The following LDLRAD4 variants were observed in gnomAD, a reference collection of about 807,000 sequenced individuals.
The protein encoded by LDLRAD4 is low density lipoprotein receptor class A domain containing 4, also known as low-density lipoprotein receptor class A domain-containing protein 4.
LDLRAD4 carries 5 observed loss-of-function variants against 17.0 expected under a neutral mutation model. The ratio of observed to expected loss-of-function variants is 0.29; its 90% CI spans 0.15 to 0.62. The LOEUF is 0.62. Ranked by LOEUF, LDLRAD4 falls within the 20% of genes least tolerant of loss-of-function variation. The probability of loss-of-function intolerance (pLI) is 0.84; values close to 1 mark genes in which losing one functional copy is unlikely to be tolerated. For missense variants in LDLRAD4, 340 were observed against 424.7 expected, an observed-to-expected ratio of 0.80 and a Z score of 1.75; for synonymous variants, 168 against 171.8, an observed-to-expected ratio of 0.98 and a Z score of 0.17.
chr18:13,649,638 G>A (rs1450240422), exon 6 of LDLRAD4: 3 of 155,022 alleles, frequency 1.9e-5, no homozygotes, highest in Non-Finnish European at 2.9e-5. Flanking sequence ...CCCCCATCTC[G>A]GGGGCTTGCT....
chr18:13,305,251 T>C (rs68081406), intron 1 of LDLRAD4, among the ~76,000 whole-genome samples: 9,358 of 152,314 alleles, frequency 0.061, 299 homozygotes, highest in South Asian at 0.086. Context: ...CTTACATATA[T>C]ACATGGTACC....
intron 1 of LDLRAD4, among the ~76,000 whole-genome samples, chr18:13,232,104 G>A (rs1209295467): frequency 1.3e-5 from 2 of 152,246 alleles, no homozygotes; most frequent in Non-Finnish European, 2.9e-5. Flanking sequence ...ACCCCGTGAA[G>A]CTCTCTCCTG....
chr18:13,312,370 T>C (rs1229705951), intron 1 of LDLRAD4, among the ~76,000 whole-genome samples: 1 of 152,156 alleles, frequency 6.6e-6, no homozygotes, highest in East Asian at 1.9e-4. Flanking sequence ...AATCCAAAAT[T>C]CAAAATGCTT....
At chr18:13,303,280 T>G (rs1401215921) in intron 1 of LDLRAD4, among the ~76,000 whole-genome samples, 1 of 152,196 alleles carries the variant, frequency 6.6e-6, no homozygotes, top group African/African-American at 2.4e-5. Flanking sequence ...AGGGTCTCAC[T>G]CTGATGCCCA....
intron 1 of LDLRAD4, among the ~76,000 whole-genome samples, chr18:13,233,056 T>C (rs2042160677): frequency 1.3e-5 from 2 of 152,236 alleles, no homozygotes; most frequent in South Asian, 4.1e-4. Context: ...CAATGAGGAC[T>C]CTAGACGATG....
rs1010641961 is a variant in LDLRAD4 at position 13,398,132 on chromosome 18, G to A, written c.40+10370G>A. Reference sequence around the variant, plus strand: ...CTGTCTCAGATCCTCCCACTGTGGCGTTTCCTTCAGAACCGAGTTGGGGCA... The same window carrying A: ...CTGTCTCAGATCCTCCCACTGTGGCATTTCCTTCAGAACCGAGTTGGGGCA... On this transcript the variant is annotated intron_variant, in intron 2 of 5. Transcript: ENST00000359446. This position sits in a 1 kb window ranked among gnomAD's most constrained non-coding sequence, Gnocchi z 4.8. 2.0e-5 allele frequency among the ~76,000 whole-genome samples: 3 copies of A among 152,178 alleles called. No homozygotes were observed. Among genetic ancestry groups the A allele is most frequent in the South Asian group, 4.2e-4 (2 of 4,818 alleles).
intron 3 of LDLRAD4, among the ~76,000 whole-genome samples, chr18:13,505,826 A>C (rs771664094): frequency 9.4e-5 from 14 of 149,402 alleles, no homozygotes; most frequent in Non-Finnish European, 1.5e-4. Context: ...TCAAAAAAAC[A>C]AAAACAAAAA....
At chr18:13,452,937 G>A (rs191726721) in intron 3 of LDLRAD4, among the ~76,000 whole-genome samples, 214 of 152,264 alleles carry the variant, frequency 1.4e-3, no homozygotes, top group Non-Finnish European at 2.6e-3. Flanking sequence ...GGCAAGTGAG[G>A]GGGACCACGG....
intron 1 of LDLRAD4, among the ~76,000 whole-genome samples, chr18:13,286,043 T>C (rs2045603212): frequency 6.6e-6 from 1 of 152,176 alleles, no homozygotes; most frequent in Admixed American, 6.5e-5. Flanking sequence ...TCCAGAACTC[T>C]CTCCATTTTC....
intron 3 of LDLRAD4, among the ~76,000 whole-genome samples, chr18:13,579,906 C>A (rs2094832400): frequency 6.6e-6 from 1 of 152,166 alleles, no homozygotes; most frequent in Admixed American, 6.5e-5. Context: ...CTACAGTGTC[C>A]CTTCTCAGCA....
At chr18:13,607,357 C>T (rs1320019626) in intron 3 of LDLRAD4, among the ~76,000 whole-genome samples, 1 of 152,128 alleles carries the variant, frequency 6.6e-6, no homozygotes, top group East Asian at 1.9e-4. Flanking sequence ...AGCAGTAAAC[C>T]TTTATGAATG....
At chr18:13,591,472 G>A (rs1422738829) in intron 3 of LDLRAD4, among the ~76,000 whole-genome samples, 1 of 151,856 alleles carries the variant, frequency 6.6e-6, no homozygotes, top group Non-Finnish European at 1.5e-5. Flanking sequence ...GTGTCTGCCT[G>A]TTTATTCTCG....
At chr18:13,341,075 T>G (rs985403779) in intron 1 of LDLRAD4, among the ~76,000 whole-genome samples, 1 of 152,182 alleles carries the variant, frequency 6.6e-6, no homozygotes, top group African/African-American at 2.4e-5. Context: ...TCTATTCAGT[T>G]GGTGTATATG....
chr18:13,627,048 T>TAG (rs2041232697), intron 4 of LDLRAD4, among the ~76,000 whole-genome samples: 1 of 152,208 alleles, frequency 6.6e-6, no homozygotes, highest in South Asian at 2.1e-4. Context: ...GGTGGGCAGA[T>TAG]CACTTGAGGT....
At chr18:13,495,887 T>C (rs2093458698) in intron 3 of LDLRAD4, among the ~76,000 whole-genome samples, 1 of 152,192 alleles carries the variant, frequency 6.6e-6, no homozygotes, top group South Asian at 2.1e-4. Flanking sequence ...ACCTTCTAGC[T>C]CAGTCGGGTC....
At chr18:13,345,756 G>T (rs1455665051) in intron 1 of LDLRAD4, among the ~76,000 whole-genome samples, 4 of 152,060 alleles carry the variant, frequency 2.6e-5, no homozygotes, top group African/African-American at 7.2e-5. Flanking sequence ...CAATTTCAGA[G>T]CCTGTTATTG....
chr18:13,297,006 A>T (rs867260758), intron 1 of LDLRAD4, among the ~76,000 whole-genome samples: 2 of 151,838 alleles, frequency 1.3e-5, no homozygotes, highest in South Asian at 4.2e-4. Context: ...TAGCGAGGGG[A>T]TTCCTTCCCC....
chr18:13,606,256 G>A (rs1272647271), intron 3 of LDLRAD4, among the ~76,000 whole-genome samples: 1 of 152,138 alleles, frequency 6.6e-6, no homozygotes, highest in Non-Finnish European at 1.5e-5. Flanking sequence ...AACCCACTTA[G>A]GAGGTAGCTT....
At chr18:13,589,086 GC>G (rs1397141614) in intron 3 of LDLRAD4, among the ~76,000 whole-genome samples, 1 of 151,882 alleles carries the variant, frequency 6.6e-6, no homozygotes, top group African/African-American at 2.4e-5. Context: ...GCACCACCAT[GC>G]CCAGCTATTT....
Sources: gnomAD v4.1 joint callset for allele counts (sites outside exome capture counted in the v4.1 genomes callset) on GRCh38, gnomAD v4.1.1 for gene constraint, Gnocchi (gnomAD v3.1) non-coding constraint, MANE v1.5 for transcripts, NCBI Gene and HGNC (gene_info 2026-07-23, HGNC 2026-07-21) for gene names.